The following TBL1X variants were observed in gnomAD, a reference collection of about 807,000 sequenced individuals.
TBL1X encodes F-box-like/WD repeat-containing protein TBL1X.
In TBL1X, 10 loss-of-function variants were observed where a neutral mutation model predicts 50.7. The ratio of observed to expected loss-of-function variants is 0.20; its 90% CI spans 0.12 to 0.33. The LOEUF (loss-of-function observed/expected upper bound fraction) is 0.33. Among genes scored for constraint, TBL1X ranks in the 10% least tolerant of loss-of-function variants. The pLI is 1.00. For missense variants in TBL1X, 340 were observed against 504.4 expected, an observed-to-expected ratio of 0.67 and a Z score of 3.12; for synonymous variants, 190 against 214.7, an observed-to-expected ratio of 0.88 and a Z score of 1.01.
intron 2 of TBL1X, among the ~76,000 whole-genome samples, chrX:9,525,838 A>T (rs1272572122): frequency 1.8e-5 from 2 of 111,227 alleles, no homozygotes; most frequent in Non-Finnish European, 3.8e-5. Flanking sequence ...ATTTTTTCCC[A>T]AAGAGATTTT....
At chrX:9,565,001 T>TG (rs749993154) in intron 2 of TBL1X, among the ~76,000 whole-genome samples, 6 of 110,484 alleles carry the variant, frequency 5.4e-5, no homozygotes, top group Non-Finnish European at 1.1e-4. Flanking sequence ...CTGGGTGCGG[T>TG]GGCTCACGCC....
intron 17 of TBL1X, 105 bp downstream of exon 17, chrX:9,715,108 C>G: frequency 1.3e-6 from 1 of 795,722 alleles, no homozygotes; most frequent in Non-Finnish European, 1.8e-6. Flanking sequence ...AGGGCCTAGC[C>G]CAGTGCCAAA....
chrX:9,660,328 A>T lies in TBL1X; in HGVS notation c.211+6006A>T, dbSNP rs375941557. ...GCGACAGTACTGAAGAAAAAGAAAC[A>T]CAAGTAGAAATGGAATTTCACTAAC... On this transcript the variant is annotated intron_variant, in intron 5 of 17. Coordinates refer to ENST00000645353, the MANE Select transcript of TBL1X (RefSeq NM_005647.4). Among the ~76,000 whole-genome samples, 52 of 112,750 alleles carry T rather than the reference A, an allele frequency of 4.6e-4. No individual in the cohort carries two copies. The South Asian group carries it at 0.018, about 39-fold the overall frequency.
chrX:9,537,547 C>T (rs1434915632), intron 2 of TBL1X, among the ~76,000 whole-genome samples: 1 of 111,801 alleles, frequency 8.9e-6, no homozygotes, highest in East Asian at 2.8e-4. Context: ...TTTTGACACT[C>T]TAGGGACCTT....
At chrX:9,502,761 C>T (rs1197345315) in intron 2 of TBL1X, among the ~76,000 whole-genome samples, 1 of 112,673 alleles carries the variant, frequency 8.9e-6, no homozygotes, top group Non-Finnish European at 1.9e-5. Flanking sequence ...TTTCTAGTCT[C>T]TTGCCCTTCC....
In TBL1X at chrX:9,478,026, G is replaced by A. The variant is rs1045561935; in HGVS notation, c.-201+12579G>A. 1.5e-3 allele frequency among the ~76,000 whole-genome samples: 167 copies of A among 111,950 alleles called. 1 individual carries two copies. The highest frequency in any genetic ancestry group is 5.2e-3 in the African/African-American group (160 of 30,790). ...CCAGGAGAGGAAGGTGGGGAAAGGGGAAAGACGGCAAGTATAGTAGTATAA... is the reference window on the plus strand; with the variant it reads ...CCAGGAGAGGAAGGTGGGGAAAGGGAAAAGACGGCAAGTATAGTAGTATAA... On this transcript the variant is annotated intron_variant, in intron 1 of 17. Transcript: ENST00000645353.
intron 2 of TBL1X, among the ~76,000 whole-genome samples, chrX:9,568,917 G>A (rs762087230): frequency 1.0e-4 from 11 of 107,439 alleles, no homozygotes; most frequent in African/African-American, 3.7e-4. Flanking sequence ...TGTGCACCTT[G>A]CTGTTTGTGT....
At chrX:9,480,422 A>G (rs969070521) in intron 1 of TBL1X, among the ~76,000 whole-genome samples, 1 of 112,644 alleles carries the variant, frequency 8.9e-6, no homozygotes, top group African/African-American at 3.2e-5. Flanking sequence ...TAAAGGGTTC[A>G]TCTTGTAAAG....
intron 7 of TBL1X, among the ~76,000 whole-genome samples, chrX:9,689,007 CGTGTATGT>C (rs1461487249): frequency 8.1e-5 from 9 of 110,584 alleles, no homozygotes; most frequent in African/African-American, 2.9e-4. Flanking sequence ...CATGCGTGTG[CGTGTATGT>C]GTGCGTGTGT....
chrX:9,546,482 C>T (rs2082242837), intron 2 of TBL1X, among the ~76,000 whole-genome samples: 1 of 111,141 alleles, frequency 9.0e-6, no homozygotes, highest in Admixed American at 9.5e-5. Flanking sequence ...CCACTGCACT[C>T]CAGCCTGGGT....
intron 2 of TBL1X, among the ~76,000 whole-genome samples, chrX:9,505,011 C>T (rs141018246): frequency 1.1e-4 from 12 of 111,589 alleles, no homozygotes; most frequent in Non-Finnish European, 2.1e-4. Context: ...ACATAATCAT[C>T]AGATTTTCCA....
intron 2 of TBL1X, among the ~76,000 whole-genome samples, chrX:9,628,237 A>G (rs965170677): frequency 8.9e-6 from 1 of 111,807 alleles, no homozygotes; most frequent in Non-Finnish European, 1.9e-5. Flanking sequence ...CTGGAGAACT[A>G]TCTGTGGGAG....
intron 5 of TBL1X, among the ~76,000 whole-genome samples, chrX:9,668,031 A>G (rs757925548): frequency 3.6e-5 from 4 of 112,517 alleles, no homozygotes; most frequent in African/African-American, 1.3e-4. Flanking sequence ...AGCATTGTCA[A>G]ATATAAAATG....
chrX:9,574,048 A>G (rs1251289631), intron 2 of TBL1X, among the ~76,000 whole-genome samples: 1 of 111,543 alleles, frequency 9.0e-6, no homozygotes, highest in African/African-American at 3.3e-5. Flanking sequence ...TACAGCAGGT[A>G]GTGGGGTAGA....
intron 1 of TBL1X, among the ~76,000 whole-genome samples, chrX:9,482,539 T>A (rs1009772687): frequency 5.3e-5 from 6 of 112,229 alleles, no homozygotes; most frequent in Non-Finnish European, 9.4e-5. Context: ...TACTGTTGAC[T>A]TAAGTGTTGT....
rs2082155799 is a variant in TBL1X at position 9,530,716 on chromosome X, G to A, written c.-131+28867G>A. On this transcript the variant is annotated intron_variant, in intron 2 of 17. Transcript: ENST00000645353. ...CTATACTTATCTTTTCATCACAAAT[G>A]TTCATTTATCTGTGTTGAAGTCAAC... is the stretch of plus-strand genomic sequence containing the variant. Among the ~76,000 whole-genome samples, 3 of 112,181 alleles carry A rather than the reference G, an allele frequency of 2.7e-5. No homozygotes were observed. The South Asian group carries it at 1.1e-3, about 41-fold the overall frequency.
chrX:9,569,022 T>TTG (rs750517021), intron 2 of TBL1X, among the ~76,000 whole-genome samples: 1 of 95,921 alleles, frequency 1.0e-5, no homozygotes, highest in East Asian at 3.5e-4. Context: ...AGTGTGCTCT[T>TTG]TGTGTGTGTG....
chrX:9,633,887 A>G (rs2082733172), intron 2 of TBL1X, among the ~76,000 whole-genome samples: 2 of 111,630 alleles, frequency 1.8e-5, no homozygotes, highest in African/African-American at 6.5e-5. Context: ...CTGCACGGGC[A>G]CTTAGACACC....
At chrX:9,574,142 C>T (rs1425348236) in intron 2 of TBL1X, among the ~76,000 whole-genome samples, 1 of 110,832 alleles carries the variant, frequency 9.0e-6, no homozygotes, top group Non-Finnish European at 1.9e-5. Context: ...CTGGTGAGTT[C>T]AGCCTGGGAG....
Sources: gnomAD v4.1 joint callset for allele counts (sites outside exome capture counted in the v4.1 genomes callset) on GRCh38, gnomAD v4.1.1 for gene constraint, MANE v1.5 for transcripts, NCBI Gene and HGNC (gene_info 2026-07-23, HGNC 2026-07-21) for gene names.